The following WDR19 variants were observed in gnomAD, a reference collection of about 807,000 sequenced individuals.
WDR19 encodes the protein WD repeat domain 19.
WDR19 carries 121 observed loss-of-function variants against 180.0 expected under a neutral mutation model. The observed-to-expected ratio is 0.67, with a 90% CI of 0.58 to 0.78. The LOEUF is 0.78. Among genes scored for constraint, WDR19 ranks in the 30% least tolerant of loss-of-function variants. The pLI is 0.00. For missense variants in WDR19, 1,450 were observed against 1,640.7 expected (o/e 0.88, Z 2.01); for synonymous variants, 497 against 540.7 (o/e 0.92, Z 1.12).
intron 1 of WDR19, among the ~76,000 whole-genome samples, chr4:39,185,496 G>C (rs1481568970): frequency 6.6e-6 from 1 of 151,948 alleles, no homozygotes; most frequent in African/African-American, 2.4e-5. Context: ...TAAAATAAAA[G>C]CCCTCCTATA....
At chr4:39,228,179 T>G in intron 15 of WDR19, 31 bp from the exon 16 acceptor site, 1 of 1,608,640 alleles carries the variant, frequency 6.2e-7, no homozygotes, top group South Asian at 1.1e-5. Flanking sequence ...AAGTACAGAC[T>G]TGGGGCAAAT....
Position 39,280,119 on chromosome 4 carries a change from G to GTTTTTTTT in WDR19, c.*13+1471_*13+1478dup, listed in dbSNP as rs551041321. On this transcript the variant is annotated intron_variant, in intron 36 of 36. Coordinates refer to ENST00000399820, the MANE Select transcript of WDR19 (RefSeq NM_025132.4). ...TTTGTGGGTTTTTTTCCCTTTTCTT[G>GTTTTTTTT]TTTTTTTTTTTTTTTTTTTTTTAAT... Among the ~76,000 whole-genome samples, 112 of 53,942 alleles carry GTTTTTTTT rather than the reference G, an allele frequency of 2.1e-3. 3 individuals carry two copies. Among genetic ancestry groups the GTTTTTTTT allele is most frequent in the East Asian group, 3.5e-3 (6 of 1,738 alleles). 35.4% of individuals were successfully genotyped at this position (53,942 alleles called of 152,430 possible).
chr4:39,247,494 A>G (rs1732656543), intron 24 of WDR19, among the ~76,000 whole-genome samples: 1 of 152,236 alleles, frequency 6.6e-6, no homozygotes, highest in Non-Finnish European at 1.5e-5. Flanking sequence ...AACTGAACAA[A>G]GCTGGACAGA....
chr4:39,272,894 C>A, intron 31 of WDR19, 86 bp from the exon 32 acceptor site: 1 of 1,118,468 alleles, frequency 8.9e-7, no homozygotes. Context: ...GGGCCATCAT[C>A]AAGGAGTTGT....
At chr4:39,182,768 GGA>G (rs1477546970) in intron 1 of WDR19, among the ~76,000 whole-genome samples, 1 of 152,062 alleles carries the variant, frequency 6.6e-6, no homozygotes, top group Non-Finnish European at 1.5e-5. Flanking sequence ...AGGAGAGGGC[GGA>G]GAGAGAGGCC....
chr4:39,253,808 TAA>T, intron 25 of WDR19, 96 bp from the exon 26 acceptor site: 2 of 1,060,394 alleles, frequency 1.9e-6, no homozygotes, highest in Non-Finnish European at 1.3e-6. Flanking sequence ...GCAATTTATC[TAA>T]AAATTTTGAT....
chr4:39,224,043 A>G (rs1275789059), intron 14 of WDR19, among the ~76,000 whole-genome samples: 1 of 152,176 alleles, frequency 6.6e-6, no homozygotes, highest in Non-Finnish European at 1.5e-5. Flanking sequence ...TTCAGCATAC[A>G]AGTCCTGGGC....
rs587777352 is a variant in WDR19 at position 39,273,062 on chromosome 4, G to T, written c.3565+1G>T. ...AACAACATCAGCAAATTTCCATCAC[G>T]TAAGTACCACTGACCAGAGCTCTCA... On this transcript the variant is annotated splice_donor_variant, in intron 32 of 36. Transcript: ENST00000399820. LOFTEE classifies it high-confidence loss of function. 1 of 1,599,858 alleles carries T rather than the reference G, an allele frequency of 6.3e-7. No individual in the cohort carries two copies. The highest frequency in any genetic ancestry group is 8.5e-7 in the Non-Finnish European group (1 of 1,173,106).
At chr4:39,268,121 C>A (rs900234821) in intron 30 of WDR19, 30 bp downstream of exon 30, 5 of 1,529,188 alleles carry the variant, frequency 3.3e-6, no homozygotes, top group African/African-American at 1.4e-5. Context: ...GTGTTACTTC[C>A]CAAGCAGGCA....
chr4:39,205,500 T>A, intron 8 of WDR19, 63 bp from the exon 9 acceptor site: 1 of 1,526,710 alleles, frequency 6.6e-7, no homozygotes, highest in South Asian at 1.3e-5. Context: ...ACTTGCTAAT[T>A]TACCATGTTG....
chr4:39,240,370 G>A (rs1323713936), intron 21 of WDR19, 36 bp downstream of exon 21: 1 of 1,262,544 alleles, frequency 7.9e-7, no homozygotes, highest in Non-Finnish European at 1.0e-6. Flanking sequence ...GCCTAATTAT[G>A]TCTGGGTTTG....
At chr4:39,214,511 C>T in intron 9 of WDR19, 90 bp from the exon 10 acceptor site, 1 of 721,596 alleles carries the variant, frequency 1.4e-6, no homozygotes, top group Non-Finnish European at 2.3e-6. Flanking sequence ...AGACCAGTAA[C>T]CTATTCCATG....
chr4:39,239,140 GC>G (rs1248152628), intron 20 of WDR19, among the ~76,000 whole-genome samples: 1 of 152,006 alleles, frequency 6.6e-6, no homozygotes, highest in Non-Finnish European at 1.5e-5. Flanking sequence ...ACCACACCCG[GC>G]TAATTTTTGT....
intron 24 of WDR19, among the ~76,000 whole-genome samples, chr4:39,249,263 G>A (rs1467021828): frequency 3.9e-5 from 6 of 152,160 alleles, no homozygotes. Context: ...ATAAGGAAAT[G>A]AAGGCAGAAA....
chr4:39,195,831 T>C (rs1726693455), intron 5 of WDR19, among the ~76,000 whole-genome samples: 1 of 152,228 alleles, frequency 6.6e-6, no homozygotes, highest in Non-Finnish European at 1.5e-5. Flanking sequence ...TGTATCTCTT[T>C]AATGTTAACA....
rs1435736169 is a variant in WDR19 at position 39,205,770 on chromosome 4, A to G, written c.890+34A>G. The G allele has an allele frequency of 4.6e-6, 7 of 1,528,646 alleles. No homozygotes were observed. The South Asian group carries it at 7.6e-5, about 16-fold the overall frequency. The allele number at this position is 1,528,646 out of a possible 1,614,324, so 94.7% of individuals were successfully genotyped here. A position where few individuals can be genotyped will look rare whatever the true frequency, so the allele number is the denominator to read the frequency against. On this transcript the variant is annotated intron_variant, in intron 9 of 36. Transcript: ENST00000399820. ...TTTTCACATATTTTTAGGAAAGCTT[A>G]TATAGTAAATACTTAAGTGAATCAG...
intron 4 of WDR19, among the ~76,000 whole-genome samples, chr4:39,191,795 G>A (rs939607360): frequency 2.6e-5 from 4 of 152,090 alleles, no homozygotes; most frequent in African/African-American, 9.7e-5. Context: ...TTGAGTTGTC[G>A]TATTAGTAAA....
chr4:39,249,764 C>T (rs796322883), intron 24 of WDR19, among the ~76,000 whole-genome samples: 9 of 152,018 alleles, frequency 5.9e-5, no homozygotes, highest in African/African-American at 1.2e-4. Context: ...ATAAATTCCT[C>T]GACACATACA....
chr4:39,212,783 C>T (rs1306878044), intron 9 of WDR19, among the ~76,000 whole-genome samples: 2 of 152,174 alleles, frequency 1.3e-5, no homozygotes, highest in Non-Finnish European at 2.9e-5. Flanking sequence ...TATATGTTAT[C>T]AACCCAACAC....
Sources: gnomAD v4.1 joint callset for allele counts (sites outside exome capture counted in the v4.1 genomes callset) on GRCh38, gnomAD v4.1.1 for gene constraint, MANE v1.5 for transcripts, NCBI Gene and HGNC (gene_info 2026-07-23, HGNC 2026-07-21) for gene names.